Variants in EYS observed in about 807,000 individuals in gnomAD.
EYS encodes protein eyes shut homolog.
EYS carries 250 observed loss-of-function variants against 282.1 expected under a neutral mutation model. That is an observed-to-expected ratio of 0.89 (90% CI 0.80 to 0.98). EYS has a LOEUF of 0.98. Among genes scored for constraint, EYS ranks in the 50% least tolerant of loss-of-function variants. EYS has a pLI of 0.00. For synonymous variants in EYS, 1,355 were observed against 1,282.9 expected, an observed-to-expected ratio of 1.06 and a Z score of -1.20; for missense variants, 4,016 against 3,709.0, an observed-to-expected ratio of 1.08 and a Z score of -2.15.
At chr6:65,300,632 CA>C (rs1385366577) in intron 11 of EYS, among the ~76,000 whole-genome samples, 1 of 152,032 alleles carries the variant, frequency 6.6e-6, no homozygotes, top group African/African-American at 2.4e-5. Flanking sequence ...AATAAATCAC[CA>C]AAAAATATGG....
intron 36 of EYS, among the ~76,000 whole-genome samples, chr6:63,814,902 G>T (rs139345514): frequency 8.2e-4 from 125 of 152,166 alleles, no homozygotes; most frequent in Non-Finnish European, 1.6e-3. Context: ...ACATTCCCTT[G>T]GTTAGTAGTT....
chr6:65,262,970 G>A (rs971255094), intron 12 of EYS, among the ~76,000 whole-genome samples: 1 of 152,112 alleles, frequency 6.6e-6, no homozygotes. Context: ...CTGTTATGAA[G>A]TAGAAATGGT....
chr6:65,158,524 T>C (rs1764779635), intron 12 of EYS, among the ~76,000 whole-genome samples: 1 of 150,896 alleles, frequency 6.6e-6, no homozygotes, highest in African/African-American at 2.4e-5. Flanking sequence ...TTAGGCCCTT[T>C]GCAAAGAAAT....
intron 31 of EYS, among the ~76,000 whole-genome samples, chr6:64,086,531 T>C (rs975934910): frequency 6.6e-6 from 1 of 152,196 alleles, no homozygotes; most frequent in Non-Finnish European, 1.5e-5. Context: ...AACTTTCTTT[T>C]GTTTCTCTAC....
intron 26 of EYS, among the ~76,000 whole-genome samples, chr6:64,443,368 C>T (rs1340134164): frequency 6.6e-6 from 1 of 152,142 alleles, no homozygotes; most frequent in African/African-American, 2.4e-5. Flanking sequence ...TGGGGAGGGA[C>T]TTGCCTTGTC....
Position 64,591,616 on chromosome 6 carries a change from A to G in EYS, c.4251T>C (p.Val1417=). The change falls in exon 26 of 43, where the codon GTT becomes GTC. Residue 1417 remains valine (V), a synonymous_variant. Coordinates refer to ENST00000503581, the MANE Select transcript of EYS (RefSeq NM_001142800.2). Reference sequence around the variant, plus strand: ...AAGTCGTTGGGGTAGCAGATAAAGCAACAGTCTGACAGTTCTCAAATAATA... The same window carrying G: ...AAGTCGTTGGGGTAGCAGATAAAGCGACAGTCTGACAGTTCTCAAATAATA... ...QSLLFENCQT[V]ALSATPTTSV... 6.4e-7 allele frequency: 1 copy of G among 1,551,276 alleles called. No homozygotes were observed. Among genetic ancestry groups the G allele is most frequent in the Non-Finnish European group, 8.7e-7 (1 of 1,146,738 alleles).
chr6:65,060,060 T>C (rs766260492), intron 12 of EYS, among the ~76,000 whole-genome samples: 3 of 151,946 alleles, frequency 2.0e-5, no homozygotes, highest in Admixed American at 6.6e-5. Context: ...TGAGCTTGTA[T>C]TTCTAAAAGA....
At chr6:64,991,814 G>T (rs1771076037) in intron 14 of EYS, among the ~76,000 whole-genome samples, 1 of 151,618 alleles carries the variant, frequency 6.6e-6, no homozygotes, top group African/African-American at 2.4e-5. Context: ...CAGAGAGGAT[G>T]AATCAGTTTT....
intron 1 of EYS, among the ~76,000 whole-genome samples, chr6:65,685,256 G>A (rs190538833): frequency 1.1e-4 from 17 of 152,050 alleles, no homozygotes; most frequent in Admixed American, 6.6e-4. Context: ...ACATAGAGAC[G>A]TCAATGGCCA....
At chr6:64,177,897 C>A (rs1289272455) in intron 31 of EYS, among the ~76,000 whole-genome samples, 1 of 152,104 alleles carries the variant, frequency 6.6e-6, no homozygotes, top group African/African-American at 2.4e-5. Context: ...ACTCTCACAT[C>A]TTTAGGGGAC....
At chr6:64,342,589 C>T (rs940570564) in intron 29 of EYS, among the ~76,000 whole-genome samples, 1 of 151,854 alleles carries the variant, frequency 6.6e-6, no homozygotes, top group South Asian at 2.1e-4. Context: ...AAGGAACAAC[C>T]GGTACCAGCC....
At chr6:65,347,571 T>G (rs1204744852) in intron 9 of EYS, among the ~76,000 whole-genome samples, 2 of 139,954 alleles carry the variant, frequency 1.4e-5, no homozygotes, top group Non-Finnish European at 3.2e-5. Flanking sequence ...TTTTTTTTTT[T>G]TGTTTTTCCC....
intron 22 of EYS, among the ~76,000 whole-genome samples, chr6:64,644,636 C>G (rs1768287000): frequency 6.6e-6 from 1 of 152,030 alleles, no homozygotes; most frequent in South Asian, 2.1e-4. Flanking sequence ...AGTAGTAGAA[C>G]ATTATGATAT....
intron 22 of EYS, among the ~76,000 whole-genome samples, chr6:64,805,132 TGTAA>T (rs1471759405): frequency 2.6e-5 from 4 of 152,140 alleles, no homozygotes; most frequent in African/African-American, 7.2e-5. Context: ...CAATTTTCAG[TGTAA>T]GTATTATGTG....
intron 24 of EYS, among the ~76,000 whole-genome samples, chr6:64,608,623 A>G (rs966425929): frequency 6.6e-6 from 1 of 152,170 alleles, no homozygotes; most frequent in African/African-American, 2.4e-5. Context: ...TATTGATAAC[A>G]GCCTTATTCA....
chr6:64,883,768 C>A (rs1042379555), intron 19 of EYS, among the ~76,000 whole-genome samples: 5 of 151,366 alleles, frequency 3.3e-5, no homozygotes, highest in Non-Finnish European at 5.9e-5. Context: ...AAAATGCAAG[C>A]CTTTGATCAT....
At chr6:64,781,425 C>T (rs1309490359) in intron 22 of EYS, among the ~76,000 whole-genome samples, 1 of 151,636 alleles carries the variant, frequency 6.6e-6, no homozygotes, top group African/African-American at 2.4e-5. Context: ...TATGAAATGA[C>T]ACTTATGGCC....
chr6:64,773,924 CTTTAG>C (rs1002538195), intron 22 of EYS, among the ~76,000 whole-genome samples: 8 of 151,832 alleles, frequency 5.3e-5, no homozygotes, highest in Non-Finnish European at 1.2e-4. Flanking sequence ...TGCAGAAGCT[CTTTAG>C]TTTAATTAGG....
At chr6:65,174,806 T>G (rs1413606613) in intron 12 of EYS, among the ~76,000 whole-genome samples, 1 of 151,544 alleles carries the variant, frequency 6.6e-6, no homozygotes, top group East Asian at 2.0e-4. Flanking sequence ...ATTACATTTG[T>G]ATGTATTATA....
Sources: allele counts gnomAD v4.1 joint callset (sites outside exome capture counted in the v4.1 genomes callset), GRCh38; gene constraint gnomAD v4.1.1; transcripts MANE v1.5; gene names NCBI Gene and HGNC (gene_info 2026-07-23, HGNC 2026-07-21).